Variants in NEK11 observed in about 807,000 individuals in gnomAD.
NEK11 encodes the protein NIMA related kinase 11, also known as serine/threonine-protein kinase Nek11.
In NEK11, 72 loss-of-function variants were observed where a neutral mutation model predicts 80.7. That is an observed-to-expected ratio of 0.89 (90% CI 0.74 to 1.08). The LOEUF (loss-of-function observed/expected upper bound fraction) is 1.08, where lower values mean the gene tolerates loss of function less well. NEK11 is among the 50% of genes least tolerant of loss of function. The probability of loss-of-function intolerance (pLI) is 0.00; values close to 1 mark genes in which losing one functional copy is unlikely to be tolerated. For missense variants in NEK11, 764 were observed against 763.6 expected, an observed-to-expected ratio of 1.00 and a Z score of -0.01; for synonymous variants, 251 against 260.7, an observed-to-expected ratio of 0.96 and a Z score of 0.36.
intron 16 of NEK11, among the ~76,000 whole-genome samples, chr3:131,246,893 G>T (rs886123953): frequency 7.9e-5 from 12 of 151,862 alleles, no homozygotes; most frequent in African/African-American, 2.2e-4. Flanking sequence ...TCATATGCTT[G>T]TTGGCCATTT....
At chr3:131,065,350 T>C (rs1402660361) in intron 3 of NEK11, among the ~76,000 whole-genome samples, 1 of 152,204 alleles carries the variant, frequency 6.6e-6, no homozygotes, top group Non-Finnish European at 1.5e-5. Context: ...ATACATTAGC[T>C]CTGTCCATCT....
At chr3:131,116,467 T>G (rs1238002127) in intron 5 of NEK11, among the ~76,000 whole-genome samples, 2 of 152,208 alleles carry the variant, frequency 1.3e-5, no homozygotes, top group Non-Finnish European at 2.9e-5. Context: ...GCAGCATGAT[T>G]TGTAATCCTT....
intron 14 of NEK11, among the ~76,000 whole-genome samples, chr3:131,192,963 A>T: frequency 6.6e-6 from 1 of 152,202 alleles, no homozygotes; most frequent in East Asian, 1.9e-4. Flanking sequence ...TGGCACCAGG[A>T]CACCTTAACA....
intron 14 of NEK11, among the ~76,000 whole-genome samples, chr3:131,182,217 A>C (rs1446474751): frequency 6.6e-6 from 1 of 151,870 alleles, no homozygotes; most frequent in African/African-American, 2.4e-5. Flanking sequence ...TTTTTCACTC[A>C]TCAGTAACAA....
chr3:131,101,862 T>C (rs2149271393), intron 4 of NEK11, among the ~76,000 whole-genome samples: 1 of 152,346 alleles, frequency 6.6e-6, no homozygotes, highest in East Asian at 1.9e-4. Flanking sequence ...CTAAGTCTTT[T>C]CATAGGCCAA....
At chr3:131,207,085 G>T (rs976265779) in intron 14 of NEK11, among the ~76,000 whole-genome samples, 1 of 152,164 alleles carries the variant, frequency 6.6e-6, no homozygotes, top group Non-Finnish European at 1.5e-5. Context: ...ATTTGGGTTG[G>T]TTCCAAGTCT....
intron 17 of NEK11, among the ~76,000 whole-genome samples, chr3:131,323,731 C>G (rs1006285332): frequency 3.3e-5 from 5 of 152,176 alleles, no homozygotes; most frequent in African/African-American, 1.2e-4. Flanking sequence ...AGGGAGTGTT[C>G]TAGTTTCATG....
intron 4 of NEK11, among the ~76,000 whole-genome samples, chr3:131,086,030 A>G (rs1354927963): frequency 6.6e-6 from 1 of 152,184 alleles, no homozygotes; most frequent in Non-Finnish European, 1.5e-5. Context: ...GATTGAGGTT[A>G]CATATTCTTG....
chr3:131,311,360 TA>T (rs1276901324), intron 17 of NEK11, among the ~76,000 whole-genome samples: 1 of 152,202 alleles, frequency 6.6e-6, no homozygotes, highest in African/African-American at 2.4e-5. Flanking sequence ...TTACTCCTTC[TA>T]TCTACCTGTA....
At chr3:131,326,659 G>A (rs2096971528) in intron 17 of NEK11, among the ~76,000 whole-genome samples, 2 of 152,110 alleles carry the variant, frequency 1.3e-5, no homozygotes, top group African/African-American at 4.8e-5. Flanking sequence ...AGGCAAGAGG[G>A]GTGCTCTGGG....
chr3:131,303,216 T>C (rs1200704770), intron 17 of NEK11, among the ~76,000 whole-genome samples: 1 of 152,208 alleles, frequency 6.6e-6, no homozygotes, highest in African/African-American at 2.4e-5. Flanking sequence ...TGAGCCTATG[T>C]GTGCCATTGC....
chr3:131,119,036 T>TC (rs1359270436), intron 5 of NEK11, among the ~76,000 whole-genome samples: 1 of 152,164 alleles, frequency 6.6e-6, no homozygotes, highest in Non-Finnish European at 1.5e-5. Flanking sequence ...TGCTCTTGCT[T>TC]CTCTAGTTCT....
chr3:131,342,722 CATG>C (rs573511986), intron 17 of NEK11, among the ~76,000 whole-genome samples: 86 of 151,894 alleles, frequency 5.7e-4, no homozygotes, highest in African/African-American at 2.1e-3. Flanking sequence ...TAATACCTAG[CATG>C]ATAAGAGGTG....
chr3:131,188,341 T>C (rs1011801839), intron 14 of NEK11, among the ~76,000 whole-genome samples: 5 of 152,180 alleles, frequency 3.3e-5, no homozygotes, highest in African/African-American at 1.2e-4. Context: ...GCAATTTCAA[T>C]TTTTGCCATT....
intron 17 of NEK11, among the ~76,000 whole-genome samples, chr3:131,312,866 T>C (rs1226840889): frequency 6.6e-6 from 1 of 152,152 alleles, no homozygotes; most frequent in East Asian, 1.9e-4. Flanking sequence ...TGCAGCTTTG[T>C]TATACAGGTA....
rs77491800 is a variant in NEK11 at position 131,184,029 on chromosome 3, T to A, written c.1399+13142T>A. On this transcript the variant is annotated intron_variant, in intron 14 of 17. Coordinates refer to ENST00000383366, the MANE Select transcript of NEK11 (RefSeq NM_024800.5). ...CCACGATTCTTTGGTGCCATCATGA[T>A]GTCATTCGATGCCTCGCCTCTTACT... Among the ~76,000 whole-genome samples the A allele has an allele frequency of 3.9e-5, 6 of 152,216 alleles. No homozygotes were observed. In the South Asian group the frequency reaches 1.2e-3, roughly 31 times the overall value.
At chr3:131,254,463 A>G (rs2095766825) in intron 16 of NEK11, among the ~76,000 whole-genome samples, 1 of 152,314 alleles carries the variant, frequency 6.6e-6, no homozygotes, top group South Asian at 2.1e-4. Context: ...TCTGGTCTAT[A>G]TCAGTGTTAT....
intron 11 of NEK11, 151 bp from the exon 12 acceptor site, chr3:131,165,275 C>T: frequency 1.7e-6 from 1 of 585,596 alleles, no homozygotes; most frequent in South Asian, 2.4e-5. Context: ...GGGTGCTGCA[C>T]CACATTCACC....
At chr3:131,335,896 G>A (rs893027925) in intron 17 of NEK11, among the ~76,000 whole-genome samples, 3 of 151,864 alleles carry the variant, frequency 2.0e-5, no homozygotes, top group Non-Finnish European at 1.5e-5. Flanking sequence ...AAATACCTAG[G>A]AATCCAACTT....
Sources: gnomAD v4.1 joint callset for allele counts (sites outside exome capture counted in the v4.1 genomes callset) on GRCh38, gnomAD v4.1.1 for gene constraint, MANE v1.5 for transcripts, NCBI Gene and HGNC (gene_info 2026-07-23, HGNC 2026-07-21) for gene names.